The following GOLGA8B variants were observed in gnomAD, a reference collection of about 807,000 sequenced individuals.
The protein encoded by GOLGA8B is golgin A8 family member B.
A neutral mutation model predicts 15.6 loss-of-function variants in GOLGA8B; 1 was observed. That is an observed-to-expected ratio of 0.06 (90% CI 0.02 to 0.30). The LOEUF is 0.30. Ranked by LOEUF, GOLGA8B falls within the 10% of genes least tolerant of loss-of-function variation. The pLI is 1.00. For synonymous variants in GOLGA8B, 9 were observed against 80.3 expected (o/e 0.11, Z 4.75); for missense variants, 17 against 201.3 (o/e 0.08, Z 5.54).
chr15:34,573,910 G>A (rs1244894032), intron 1 of GOLGA8B, among the ~76,000 whole-genome samples: 1 of 151,208 alleles, frequency 6.6e-6, no homozygotes, highest in African/African-American at 2.5e-5. Flanking sequence ...GGTGGTTGAG[G>A]AACTGGGGGA....
At chr15:34,575,999 T>A (rs1431194670) in intron 1 of GOLGA8B, among the ~76,000 whole-genome samples, 1 of 152,228 alleles carries the variant, frequency 6.6e-6, no homozygotes, top group African/African-American at 2.4e-5. Context: ...CTGCTCCCGG[T>A]TGTACCACTG....
rs1295893596 is a variant in GOLGA8B, at chr15:34,565,280, C to T, written c.-1122-11324G>A. Among the ~76,000 whole-genome samples the T allele has an allele frequency of 6.4e-5, 9 of 140,624 alleles. 1 individual carries two copies. The highest frequency in any genetic ancestry group is 1.3e-4 in the Non-Finnish European group (8 of 61,382). 92.3% of individuals were successfully genotyped at this position (140,624 alleles called of 152,430 possible). On this transcript the variant is annotated intron_variant, in intron 1 of 23. Coordinates refer to ENST00000683415, the MANE Select transcript of GOLGA8B (RefSeq NM_001023567.5). ...CCTCCCTAGTAGCTGGGATTACAGG[C>T]GTCCGCCACCACGCCTGGCTAATTT...
At chr15:34,573,782 A>G (rs533413236) in intron 1 of GOLGA8B, among the ~76,000 whole-genome samples, 37 of 152,062 alleles carry the variant, frequency 2.4e-4, no homozygotes, top group South Asian at 6.2e-4. Context: ...TCCTGGGGCC[A>G]CAGAATTCAG....
chr15:34,543,376 G>C (rs1413165579), intron 7 of GOLGA8B, among the ~76,000 whole-genome samples: 1 of 146,774 alleles, frequency 6.8e-6, no homozygotes, highest in African/African-American at 2.5e-5. Context: ...TGGTGGTGGT[G>C]GGGTATTTTT....
chr15:34,571,852 CA>C (rs1888922797), intron 1 of GOLGA8B, among the ~76,000 whole-genome samples: 2 of 151,704 alleles, frequency 1.3e-5, no homozygotes, highest in South Asian at 4.2e-4. Context: ...TTTACATTGC[CA>C]GAGATGTCTT....
intron 1 of GOLGA8B, among the ~76,000 whole-genome samples, chr15:34,564,323 T>C (rs1353807519): frequency 6.9e-6 from 1 of 145,870 alleles, no homozygotes; most frequent in Non-Finnish European, 1.5e-5. Context: ...GATTTCCCAC[T>C]TTTTCAGTTA....
chr15:34,557,178 G>A (rs1441332733), intron 1 of GOLGA8B, among the ~76,000 whole-genome samples: 3 of 120,796 alleles, frequency 2.5e-5, no homozygotes, highest in Non-Finnish European at 1.8e-5. Flanking sequence ...CCTCAGGGGT[G>A]TACTCAGACC....
At chr15:34,583,319 C>G (rs1414164709) in intron 1 of GOLGA8B, among the ~76,000 whole-genome samples, 197 bp downstream of exon 1, 1 of 152,078 alleles carries the variant, frequency 6.6e-6, no homozygotes, top group African/African-American at 2.4e-5. Context: ...GTCCGAGAGG[C>G]GTAGGCCAGC....
intron 3 of GOLGA8B, chr15:34,552,485 CCAGCA>C (rs1162708125): frequency 4.0e-5 from 2 of 50,546 alleles, no homozygotes; most frequent in Non-Finnish European, 7.9e-5. Flanking sequence ...GCTTGTAATC[CCAGCA>C]CTTTGGGAGG....
At chr15:34,578,739 A>G (rs1047632583) in intron 1 of GOLGA8B, among the ~76,000 whole-genome samples, 4 of 152,234 alleles carry the variant, frequency 2.6e-5, no homozygotes, top group African/African-American at 9.6e-5. Flanking sequence ...CATGAAAACC[A>G]TCTTTAAATG....
intron 1 of GOLGA8B, among the ~76,000 whole-genome samples, chr15:34,569,687 A>C (rs201799043): frequency 0.058 from 8,420 of 144,390 alleles, no homozygotes; most frequent in South Asian, 0.16. Context: ...CAAAGACTAA[A>C]TGAAAATGAT....
chr15:34,526,252 C>T lies in GOLGA8B; in HGVS notation c.*1380G>A, dbSNP rs1888052295. On this transcript the variant is annotated 3_prime_UTR_variant, in exon 24 of 24. Transcript: ENST00000683415. ...AGTAGATTGCAGCACAGTGTGTAAA[C>T]ATTTTCAGTTGCATAAACTTCTCCT... 6.7e-6 allele frequency: 1 copy of T among 149,926 alleles called. No homozygotes were observed. The highest frequency in any genetic ancestry group is 1.5e-5 in the Non-Finnish European group (1 of 67,258). 9.3% of individuals were successfully genotyped at this position (149,926 alleles called of 1,614,324 possible).
intron 1 of GOLGA8B, among the ~76,000 whole-genome samples, chr15:34,561,070 A>T (rs1421075654): frequency 6.8e-6 from 1 of 146,574 alleles, no homozygotes; most frequent in African/African-American, 2.5e-5. Flanking sequence ...GCAGGTGACC[A>T]GGAGAAGGGG....
In GOLGA8B at chr15:34,526,136, A is replaced by G. The variant is rs1059887; in HGVS notation, c.*1496T>C. 0.11 allele frequency: 15,931 copies of G among 149,554 alleles called. 2,030 individuals are homozygous for G. The highest frequency in any genetic ancestry group is 0.26 in the East Asian group (1,336 of 5,058). 9.3% of individuals were successfully genotyped at this position (149,554 alleles called of 1,614,324 possible). A position where few individuals can be genotyped will look rare whatever the true frequency, so the allele number is the denominator to read the frequency against. On this transcript the variant is annotated 3_prime_UTR_variant, in exon 24 of 24. Transcript: ENST00000683415. ...GACTGAAACTGAGAGGTACAAAAAC[A>G]TATTTCACTCTTCGTAAAGAAGTTT...
Position 34,525,866 on chromosome 15 carries a change from G to A in GOLGA8B, c.*1766C>T, listed in dbSNP as rs1403671712. 1 of 149,344 alleles carries A rather than the reference G, an allele frequency of 6.7e-6. No homozygotes were observed. Among genetic ancestry groups the A allele is most frequent in the Non-Finnish European group, 1.5e-5 (1 of 67,138 alleles). 9.3% of individuals were successfully genotyped at this position (149,344 alleles called of 1,614,324 possible). Reference sequence around the variant, plus strand: ...TATAAAAGGATCATGAGGCTGCCAAGTGCTAAAAATGGAGATGGTCTAGTA... The same window carrying A: ...TATAAAAGGATCATGAGGCTGCCAAATGCTAAAAATGGAGATGGTCTAGTA... On this transcript the variant is annotated 3_prime_UTR_variant, in exon 24 of 24. Coordinates refer to ENST00000683415, the MANE Select transcript of GOLGA8B (RefSeq NM_001023567.5).
In GOLGA8B at chr15:34,525,570, AATATTT is replaced by A. The variant is rs1454523379; in HGVS notation, c.*2056_*2061del. On this transcript the variant is annotated 3_prime_UTR_variant, in exon 24 of 24. Coordinates refer to ENST00000683415, the MANE Select transcript of GOLGA8B (RefSeq NM_001023567.5). ...CATAAAGATAGCAGTTACACTTTTAAATATTTATATTATTTTAAAATGACTCTTTAG... is the reference window on the plus strand; with the variant it reads ...CATAAAGATAGCAGTTACACTTTTAAATATTATTTTAAAATGACTCTTTAG... 6.7e-5 allele frequency: 10 copies of A among 149,948 alleles called. 1 individual carries two copies. Among genetic ancestry groups the A allele is most frequent in the Admixed American group, 2.0e-4 (3 of 14,750 alleles). 9.3% of individuals were successfully genotyped at this position (149,948 alleles called of 1,614,324 possible). A position where few individuals can be genotyped will look rare whatever the true frequency, so the allele number is the denominator to read the frequency against.
At chr15:34,567,905 T>C (rs997540001) in intron 1 of GOLGA8B, among the ~76,000 whole-genome samples, 20 of 151,622 alleles carry the variant, frequency 1.3e-4, no homozygotes, top group Non-Finnish European at 2.6e-4. Context: ...GAAAAGCCAC[T>C]TACCCCTTTT....
At chr15:34,583,092 G>A (rs1291941206) in intron 1 of GOLGA8B, among the ~76,000 whole-genome samples, 1 of 152,142 alleles carries the variant, frequency 6.6e-6, no homozygotes, top group Admixed American at 6.5e-5. Context: ...AGTAGTTGCC[G>A]CCCAGCTCGG....
intron 1 of GOLGA8B, among the ~76,000 whole-genome samples, chr15:34,572,279 C>T (rs1888937567): frequency 6.6e-6 from 1 of 152,180 alleles, no homozygotes; most frequent in African/African-American, 2.4e-5. Flanking sequence ...CTCTGAATGC[C>T]CAAACCATTC....
Sources: gnomAD v4.1 joint callset for allele counts (sites outside exome capture counted in the v4.1 genomes callset) on GRCh38, gnomAD v4.1.1 for gene constraint, MANE v1.5 for transcripts, NCBI Gene and HGNC (gene_info 2026-07-23, HGNC 2026-07-21) for gene names.